Variants in HYAL4 observed in about 807,000 individuals in gnomAD.
HYAL4 encodes the protein hyaluronidase 4.
Under a neutral mutation model 35.2 loss-of-function variants are expected in HYAL4, and 37 were observed. The observed-to-expected ratio is 1.05, with a 90% CI of 0.81 to 1.38. The LOEUF is 1.38. Among genes scored for constraint, HYAL4 ranks in the 40% most tolerant of loss-of-function variants. HYAL4 has a pLI of 0.00. For missense variants in HYAL4, 572 were observed against 572.4 expected (o/e 1.00, Z 0.01); for synonymous variants, 198 against 203.2 (o/e 0.97, Z 0.22).
the HYAL4 span, among the ~76,000 whole-genome samples, chr7:123,765,161 G>A: frequency 2.5e-4 from 38 of 152,144 alleles, no homozygotes; most frequent in African/African-American, 9.1e-4. Context: ...GGAAGTTTTT[G>A]CATTTTAACT....
In HYAL4 at chr7:123,848,138, CAGCAGCAAACAAAAGCAAAGGTAAAAT is replaced by C. The variant is rs1806215110; in HGVS notation, c.-69_-52+9del. The C allele has an allele frequency of 6.6e-6, 1 of 152,504 alleles. No individual in the cohort carries two copies. The highest frequency in any genetic ancestry group is 2.4e-5 in the African/African-American group (1 of 41,416). 9.4% of individuals were successfully genotyped at this position (152,504 alleles called of 1,614,324 possible). ...GATTTGCACAAGGTGACTAAAGGACCAGCAGCAAACAAAAGCAAAGGTAAAATAGACTTTTTTTTCCTGTTTGTAAAA... is the reference window on the plus strand; with the variant it reads ...GATTTGCACAAGGTGACTAAAGGACCAGACTTTTTTTTCCTGTTTGTAAAA... On this transcript the variant is annotated splice_donor_variant and splice_donor_5th_base_variant and 5_prime_UTR_variant and intron_variant, in exon 2 of 5. Transcript: ENST00000223026. LOFTEE classifies it low-confidence loss of function (5UTR_SPLICE).
chr7:123,792,192 C>T, the HYAL4 span, among the ~76,000 whole-genome samples: 3 of 152,214 alleles, frequency 2.0e-5, no homozygotes, highest in Non-Finnish European at 4.4e-5. Context: ...CAGGAAGTCA[C>T]ACTGTTACAC....
the HYAL4 span, among the ~76,000 whole-genome samples, chr7:123,816,334 T>C: frequency 6.6e-6 from 1 of 152,168 alleles, no homozygotes; most frequent in South Asian, 2.1e-4. Context: ...AAAGTCTTCT[T>C]GCTAAGGTAT....
chr7:123,876,517 T>C (rs1807027997), intron 4 of HYAL4, among the ~76,000 whole-genome samples: 1 of 152,206 alleles, frequency 6.6e-6, no homozygotes, highest in Admixed American at 6.5e-5. Flanking sequence ...GATTATAACA[T>C]AGTATCCATC....
At chr7:123,851,955 T>G (rs1237897344) in intron 2 of HYAL4, among the ~76,000 whole-genome samples, 1 of 152,252 alleles carries the variant, frequency 6.6e-6, no homozygotes, top group Admixed American at 6.5e-5. Flanking sequence ...AGATGGTATC[T>G]CATTGTAGTT....
the HYAL4 span, among the ~76,000 whole-genome samples, chr7:123,795,449 G>T: frequency 6.6e-6 from 1 of 152,174 alleles, no homozygotes. Flanking sequence ...ATGTTGAATT[G>T]TAGTTCCCAT....
intron 2 of HYAL4, among the ~76,000 whole-genome samples, chr7:123,849,579 G>A (rs1431819468): frequency 6.6e-6 from 1 of 152,132 alleles, no homozygotes; most frequent in Non-Finnish European, 1.5e-5. Context: ...TAGGATTACA[G>A]GTGTGAGCCA....
the HYAL4 span, among the ~76,000 whole-genome samples, chr7:123,798,714 A>G: frequency 6.6e-6 from 1 of 152,222 alleles, no homozygotes; most frequent in African/African-American, 2.4e-5. Context: ...GTTTGTGGAT[A>G]TAAGTGTGTC....
chr7:123,793,888 T>C, the HYAL4 span, among the ~76,000 whole-genome samples: 3 of 152,166 alleles, frequency 2.0e-5, no homozygotes, highest in Non-Finnish European at 1.5e-5. Flanking sequence ...AGGCAGAGGT[T>C]GGAACCATTT....
chr7:123,767,853 A>G, the HYAL4 span, among the ~76,000 whole-genome samples: 1 of 152,220 alleles, frequency 6.6e-6, no homozygotes, highest in Non-Finnish European at 1.5e-5. Context: ...ATACTAAAAA[A>G]CATCAGGTAT....
the HYAL4 span, among the ~76,000 whole-genome samples, chr7:123,775,014 T>C: frequency 1.3e-5 from 2 of 152,252 alleles, no homozygotes; most frequent in African/African-American, 2.4e-5. Context: ...AGGGAAAATA[T>C]CGTTTCCACT....
intron 2 of HYAL4, among the ~76,000 whole-genome samples, chr7:123,849,312 T>C (rs1806247816): frequency 6.6e-6 from 1 of 152,026 alleles, no homozygotes; most frequent in Admixed American, 6.6e-5. Context: ...TCTCTTTCTC[T>C]CTCTCTTTGA....
the HYAL4 span, among the ~76,000 whole-genome samples, chr7:123,783,748 G>A: frequency 1.3e-5 from 2 of 152,154 alleles, no homozygotes; most frequent in African/African-American, 4.8e-5. Flanking sequence ...GTTTAAATAT[G>A]ATTTAAGGAG....
chr7:123,843,636 A>G (rs182067111), upstream of HYAL4, among the ~76,000 whole-genome samples: 34 of 152,080 alleles, frequency 2.2e-4, no homozygotes, highest in African/African-American at 7.9e-4. Context: ...AGGTATACCA[A>G]TCAAACATAC....
the HYAL4 span, among the ~76,000 whole-genome samples, chr7:123,801,139 A>T: frequency 6.6e-6 from 1 of 151,810 alleles, no homozygotes; most frequent in Non-Finnish European, 1.5e-5. Flanking sequence ...ACATGGTGAA[A>T]CCCTGTCTCT....
intron 1 of HYAL4, among the ~76,000 whole-genome samples, chr7:123,833,827 TTTG>T (rs1805920452): frequency 6.6e-6 from 1 of 152,210 alleles, no homozygotes; most frequent in South Asian, 2.1e-4. Context: ...CCCAGCATCA[TTTG>T]TTGAAAAGGG....
At chr7:123,790,251 CATT>C in the HYAL4 span, among the ~76,000 whole-genome samples, 1 of 152,082 alleles carries the variant, frequency 6.6e-6, no homozygotes, top group Non-Finnish European at 1.5e-5. Context: ...TTACACAGCT[CATT>C]ATGTTTTATA....
At chr7:123,852,543 G>T (rs969641751) in intron 2 of HYAL4, among the ~76,000 whole-genome samples, 6 of 151,986 alleles carry the variant, frequency 3.9e-5, no homozygotes, top group Admixed American at 1.3e-4. Context: ...AAAATTAGAT[G>T]GTTGTACATG....
intron 2 of HYAL4, among the ~76,000 whole-genome samples, chr7:123,850,482 C>T (rs888046381): frequency 1.3e-5 from 2 of 152,096 alleles, no homozygotes; most frequent in East Asian, 3.9e-4. Context: ...CTCAAGCGGT[C>T]CTCCTCCTCG....
Sources: allele counts gnomAD v4.1 joint callset (sites outside exome capture counted in the v4.1 genomes callset), GRCh38; gene constraint gnomAD v4.1.1; transcripts MANE v1.5; gene names NCBI Gene and HGNC (gene_info 2026-07-23, HGNC 2026-07-21).